Variants in FSHR observed in about 807,000 individuals in gnomAD.
FSHR encodes the protein follicle stimulating hormone receptor.
FSHR carries 46 observed loss-of-function variants against 52.1 expected under a neutral mutation model. The ratio of observed to expected loss-of-function variants is 0.88; its 90% CI spans 0.70 to 1.13. FSHR has a LOEUF of 1.13. FSHR is among the 50% of genes most tolerant of loss of function. The probability of loss-of-function intolerance (pLI) is 0.00; values close to 1 mark genes in which losing one functional copy is unlikely to be tolerated. For synonymous variants in FSHR, 399 were observed against 309.6 expected (o/e 1.29, Z -3.03); for missense variants, 964 against 834.6 (o/e 1.16, Z -1.91).
At chr2:49,127,838 CTTCTTCTTCT>C (rs1672096887) in intron 1 of FSHR, among the ~76,000 whole-genome samples, 1 of 17,648 alleles carries the variant, frequency 5.7e-5, no homozygotes, top group East Asian at 3.8e-3. Context: ...TCCTCTTCTT[CTTCTTCTTCT>C]TCTTCTTCTT....
intron 2 of FSHR, among the ~76,000 whole-genome samples, chr2:49,020,863 T>A (rs1478675674): frequency 6.6e-6 from 1 of 152,178 alleles, no homozygotes; most frequent in African/African-American, 2.4e-5. Flanking sequence ...CCGCATATTC[T>A]CACTTATAAG....
intron 4 of FSHR, among the ~76,000 whole-genome samples, chr2:49,005,661 T>A (rs7560175): frequency 0.71 from 108,439 of 151,952 alleles, 39,495 homozygotes; most frequent in Admixed American, 0.81. Flanking sequence ...ACCACTTAGA[T>A]GGATGTCTGA....
chr2:49,061,911 G>A (rs1170401022), intron 2 of FSHR, among the ~76,000 whole-genome samples: 1 of 148,470 alleles, frequency 6.7e-6, no homozygotes, highest in Non-Finnish European at 1.5e-5. Context: ...GATGCATAAA[G>A]CAAATGTTAT....
intron 6 of FSHR, among the ~76,000 whole-genome samples, chr2:48,984,409 G>A (rs1675395072): frequency 6.6e-6 from 1 of 152,122 alleles, no homozygotes; most frequent in Non-Finnish European, 1.5e-5. Context: ...GTGGATCCCT[G>A]GGGATTTGAA....
chr2:49,104,863 A>AG (rs148924563), intron 1 of FSHR, among the ~76,000 whole-genome samples: 8 of 52,972 alleles, frequency 1.5e-4, no homozygotes, highest in Non-Finnish European at 2.5e-4. Flanking sequence ...AGATGGGGGG[A>AG]GGGGGGGCGG....
chr2:49,019,729 C>A (rs1667623244), intron 3 of FSHR, among the ~76,000 whole-genome samples: 1 of 152,200 alleles, frequency 6.6e-6, no homozygotes, highest in Admixed American at 6.5e-5. Context: ...GTAGTCAGAC[C>A]AGGACTAATC....
chr2:49,121,473 C>T (rs931108139), intron 1 of FSHR, among the ~76,000 whole-genome samples: 1 of 152,142 alleles, frequency 6.6e-6, no homozygotes, highest in Admixed American at 6.5e-5. Context: ...CTCTAAAAGT[C>T]CCTAGTCCTG....
At chr2:48,998,641 A>G (rs1370362859) in intron 4 of FSHR, among the ~76,000 whole-genome samples, 1 of 152,078 alleles carries the variant, frequency 6.6e-6, no homozygotes, top group African/African-American at 2.4e-5. Flanking sequence ...AACACTAAGT[A>G]TGATGACTCA....
intron 1 of FSHR, among the ~76,000 whole-genome samples, chr2:49,074,858 C>A (rs567012443): frequency 7.2e-5 from 11 of 152,038 alleles, no homozygotes; most frequent in African/African-American, 2.7e-4. Context: ...AAATCCTTAG[C>A]CAAAGAATAA....
chr2:49,114,706 C>T (rs1022985090), intron 1 of FSHR, among the ~76,000 whole-genome samples: 3 of 152,084 alleles, frequency 2.0e-5, no homozygotes, highest in African/African-American at 7.2e-5. Flanking sequence ...TACTTTTATA[C>T]TATTGAAGAT....
chr2:49,058,170 C>T (rs567839151), intron 2 of FSHR, among the ~76,000 whole-genome samples: 32 of 152,204 alleles, frequency 2.1e-4, no homozygotes, highest in Middle Eastern at 3.4e-3. Context: ...CAAACAAGAG[C>T]AATTGGGCAA....
At chr2:49,014,753 A>G (rs778056120) in intron 4 of FSHR, 14 of 287,084 alleles carry the variant, frequency 4.9e-5, no homozygotes, top group Non-Finnish European at 8.6e-5. Flanking sequence ...AGGGATATCT[A>G]TGTGAAGAGC....
intron 2 of FSHR, among the ~76,000 whole-genome samples, chr2:49,035,071 G>A (rs1040151370): frequency 3.9e-5 from 6 of 152,168 alleles, no homozygotes; most frequent in African/African-American, 7.2e-5. Flanking sequence ...CACATTCGAC[G>A]TGTTTCAACG....
chr2:48,988,963 T>C lies in FSHR; in HGVS notation c.524+14A>G, dbSNP rs1334017703. The C allele has an allele frequency of 6.2e-7, 1 of 1,607,004 alleles. No homozygotes were observed. Among genetic ancestry groups the C allele is most frequent in the Non-Finnish European group, 8.5e-7 (1 of 1,173,578 alleles). On this transcript the variant is annotated intron_variant, in intron 6 of 9. Coordinates refer to ENST00000406846, the MANE Select transcript of FSHR (RefSeq NM_000145.4). The stretch of plus-strand genomic sequence containing the variant: ...TCAAATGTTACTCTGTTGGATTTTT[T>C]CCCCCTTACTTACAGAATCACACTT...
At chr2:49,059,699 A>G (rs1392085003) in intron 2 of FSHR, 3 of 152,348 alleles carry the variant, frequency 2.0e-5, no homozygotes, top group African/African-American at 7.2e-5. Context: ...CTCTCATTCT[A>G]TACAAAAATC....
intron 2 of FSHR, among the ~76,000 whole-genome samples, chr2:49,030,029 G>T (rs1403608459): frequency 6.6e-6 from 1 of 152,214 alleles, no homozygotes. Flanking sequence ...ATCTTTGGGA[G>T]TGGCTCTGCG....
intron 1 of FSHR, among the ~76,000 whole-genome samples, chr2:49,131,446 A>G (rs1672273953): frequency 1.3e-5 from 2 of 152,190 alleles, no homozygotes; most frequent in African/African-American, 4.8e-5. Flanking sequence ...AAATAAATAA[A>G]TAATCAATTA....
At chr2:49,065,148 A>G (rs1669453608) in intron 2 of FSHR, among the ~76,000 whole-genome samples, 1 of 152,132 alleles carries the variant, frequency 6.6e-6, no homozygotes, top group South Asian at 2.1e-4. Context: ...GTGAGAGTGT[A>G]AGGTACACAG....
intron 9 of FSHR, among the ~76,000 whole-genome samples, chr2:48,967,814 T>C (rs959506709): frequency 6.6e-6 from 1 of 152,224 alleles, no homozygotes; most frequent in African/African-American, 2.4e-5. Context: ...TGGAGGAGAC[T>C]GTGTTAAACA....
Sources: allele counts gnomAD v4.1 joint callset (sites outside exome capture counted in the v4.1 genomes callset), GRCh38; gene constraint gnomAD v4.1.1; transcripts MANE v1.5; gene names NCBI Gene and HGNC (gene_info 2026-07-23, HGNC 2026-07-21).